Variants in SHISA9 observed in about 807,000 individuals in gnomAD.
SHISA9 encodes protein shisa-9.
In SHISA9, 13 loss-of-function variants were observed where a neutral mutation model predicts 38.0. The observed-to-expected ratio is 0.34, with a 90% CI of 0.22 to 0.54. SHISA9 has a LOEUF of 0.54. Among genes scored for constraint, SHISA9 ranks in the 20% least tolerant of loss-of-function variants. SHISA9 has a pLI of 0.91. For missense variants in SHISA9, 538 were observed against 575.8 expected, an observed-to-expected ratio of 0.93 and a Z score of 0.67; for synonymous variants, 275 against 242.0, an observed-to-expected ratio of 1.14 and a Z score of -1.27.
chr16:13,170,607 C>A (rs1305697108), intron 2 of SHISA9, among the ~76,000 whole-genome samples: 6 of 152,178 alleles, frequency 3.9e-5, no homozygotes, highest in African/African-American at 1.4e-4. Flanking sequence ...ATGTAACTAA[C>A]CTGCACATCC....
intron 2 of SHISA9, among the ~76,000 whole-genome samples, chr16:13,138,196 T>A (rs773670595): frequency 1.1e-4 from 17 of 152,142 alleles, no homozygotes; most frequent in South Asian, 4.2e-4. Context: ...AGCAGCAGCA[T>A]CTGAGAGCCT....
At position 12,909,303 on chromosome 16, in the gene SHISA9, A is replaced by G. The variant is rs1050123933; in HGVS notation, c.563+6676A>G. Reference sequence around the variant, plus strand: ...TTGGACAAATGTCTATACCTGTGTAATCATTACTCTAGAAAGCTCACTCAT... The same window carrying G: ...TTGGACAAATGTCTATACCTGTGTAGTCATTACTCTAGAAAGCTCACTCAT... On this transcript the variant is annotated intron_variant, in intron 1 of 4. Coordinates refer to ENST00000558583, the MANE Select transcript of SHISA9 (RefSeq NM_001145204.3). 5.1e-6 allele frequency: 5 copies of G among 985,282 alleles called. No individual in the cohort carries two copies. In the African/African-American group the frequency reaches 8.7e-5, roughly 17 times the overall value. 61.0% of individuals were successfully genotyped at this position (985,282 alleles called of 1,614,324 possible).
At chr16:13,015,879 T>TCC (rs2072741846) in intron 2 of SHISA9, among the ~76,000 whole-genome samples, 22 of 114,352 alleles carry the variant, frequency 1.9e-4, no homozygotes, top group Non-Finnish European at 2.9e-4. Context: ...TCTTTCTTTC[T>TCC]TTCTTTCTTT....
intron 2 of SHISA9, chr16:13,203,134 G>T: frequency 3.0e-6 from 1 of 331,310 alleles, no homozygotes; most frequent in Non-Finnish European, 5.5e-6. Flanking sequence ...CTACTGAAAG[G>T]ACCTTAACAT....
intron 2 of SHISA9, among the ~76,000 whole-genome samples, chr16:12,964,279 C>T (rs1300164026): frequency 1.3e-5 from 2 of 152,168 alleles, no homozygotes; most frequent in African/African-American, 4.8e-5. Context: ...AATAAATTAT[C>T]CATTGCCTGA....
At chr16:13,096,327 GAC>G (rs2073827134) in intron 2 of SHISA9, among the ~76,000 whole-genome samples, 1 of 152,118 alleles carries the variant, frequency 6.6e-6, no homozygotes, top group South Asian at 2.1e-4. Flanking sequence ...CAAGCCTTGC[GAC>G]ACAGAATGCA....
At chr16:12,911,232 G>A (rs1343977126) in intron 1 of SHISA9, 2 of 984,086 alleles carry the variant, frequency 2.0e-6, no homozygotes. Context: ...ATTTTAACAA[G>A]ATCCCCAGGT....
chr16:13,060,106 T>C (rs1256666229), intron 2 of SHISA9, among the ~76,000 whole-genome samples: 1 of 152,138 alleles, frequency 6.6e-6, no homozygotes, highest in East Asian at 1.9e-4. Flanking sequence ...CACATGACAG[T>C]TAAGTGCAGG....
At chr16:13,280,054 T>G in the SHISA9 span, among the ~76,000 whole-genome samples, 206 of 151,598 alleles carry the variant, frequency 1.4e-3, 1 homozygote, top group African/African-American at 4.4e-3. Flanking sequence ...ATTCATGGGA[T>G]CAGAGTAGTG....
At chr16:13,272,020 A>G in the SHISA9 span, among the ~76,000 whole-genome samples, 6 of 151,878 alleles carry the variant, frequency 4.0e-5, no homozygotes, top group African/African-American at 1.5e-4. Flanking sequence ...GAGAGTTTGC[A>G]GTGAGCTGCG....
At chr16:13,541,105 C>G in the SHISA9 span, among the ~76,000 whole-genome samples, 2 of 152,188 alleles carry the variant, frequency 1.3e-5, no homozygotes, top group Admixed American at 6.5e-5. Context: ...TGTATTGTAA[C>G]TGTGCATCTG....
chr16:13,355,321 G>C, the SHISA9 span, among the ~76,000 whole-genome samples: 2 of 152,016 alleles, frequency 1.3e-5, no homozygotes, highest in Admixed American at 6.6e-5. Flanking sequence ...TTGGCGTTGA[G>C]TGGGGTAAGG....
At chr16:13,382,321 A>G in the SHISA9 span, among the ~76,000 whole-genome samples, 2 of 151,996 alleles carry the variant, frequency 1.3e-5, no homozygotes, top group African/African-American at 4.8e-5. Context: ...TGAGGACAGG[A>G]GTTCGAGACC....
At position 13,129,660 on chromosome 16, in the gene SHISA9, G is replaced by A. The variant is rs190016472; in HGVS notation, c.692-73734G>A. 4.6e-5 allele frequency among the ~76,000 whole-genome samples: 7 copies of A among 152,288 alleles called. No individual in the cohort carries two copies. The East Asian group carries it at 1.4e-3, about 29-fold the overall frequency. On this transcript the variant is annotated intron_variant, in intron 2 of 4. Coordinates refer to ENST00000558583, the MANE Select transcript of SHISA9 (RefSeq NM_001145204.3). ...TAGGGCTGTGTTTATGCTCCCTGTGGATGTGTGTTCACATGGCTTTCTTTG... is the reference window on the plus strand; with the variant it reads ...TAGGGCTGTGTTTATGCTCCCTGTGAATGTGTGTTCACATGGCTTTCTTTG...
chr16:13,540,875 C>T, the SHISA9 span, among the ~76,000 whole-genome samples: 1 of 152,194 alleles, frequency 6.6e-6, no homozygotes, highest in Non-Finnish European at 1.5e-5. Flanking sequence ...CAGCTTCTTG[C>T]CATCTCATTT....
At chr16:12,923,287 T>G (rs2071351245) in intron 2 of SHISA9, among the ~76,000 whole-genome samples, 1 of 152,208 alleles carries the variant, frequency 6.6e-6, no homozygotes, top group African/African-American at 2.4e-5. Context: ...CCCAGCACTT[T>G]GGGAGGCCAA....
intron 2 of SHISA9, among the ~76,000 whole-genome samples, chr16:13,029,420 A>G (rs2072964380): frequency 2.0e-5 from 3 of 152,254 alleles, no homozygotes; most frequent in African/African-American, 7.2e-5. Flanking sequence ...GGCCTGGGCA[A>G]CACAGCAAAA....
intron 2 of SHISA9, among the ~76,000 whole-genome samples, chr16:12,972,307 C>G (rs2072095420): frequency 6.6e-6 from 1 of 152,008 alleles, no homozygotes; most frequent in Non-Finnish European, 1.5e-5. Flanking sequence ...AGTATTCCAG[C>G]CAAGAAGCAC....
chr16:12,902,523 C>A lies in SHISA9; in HGVS notation c.459C>A (p.Ile153=). 6.4e-7 allele frequency: 1 copy of A among 1,551,508 alleles called. No individual in the cohort carries two copies. Among genetic ancestry groups the A allele is most frequent in the Non-Finnish European group, 8.7e-7 (1 of 1,146,988 alleles). Residue 153 remains isoleucine (I), a synonymous_variant, in exon 1 of 5, where the codon ATC becomes ATA. Transcript: ENST00000558583. Reference sequence around the variant, plus strand: ...CCACCAAGGACAAGACCAACCTGATCGTCTACATCATCTGCGGGGTGGTGG... The same window carrying A: ...CCACCAAGGACAAGACCAACCTGATAGTCTACATCATCTGCGGGGTGGTGG... The part of the protein sequence containing the change: ...HDPTKDKTNL[I]VYIICGVVAV...
Sources: allele counts gnomAD v4.1 joint callset (sites outside exome capture counted in the v4.1 genomes callset), GRCh38; gene constraint gnomAD v4.1.1; transcripts MANE v1.5; gene names NCBI Gene and HGNC (gene_info 2026-07-23, HGNC 2026-07-21).